ARSG: variants seen among roughly 807,000 people sequenced by gnomAD.
ARSG encodes ASG.
In ARSG, 37 loss-of-function variants were observed where a neutral mutation model predicts 50.5. The ratio of observed to expected loss-of-function variants is 0.73; its 90% confidence interval spans 0.56 to 0.96. The LOEUF is 0.96. Among genes scored for constraint, ARSG ranks in the 50% least tolerant of loss-of-function variants. ARSG has a pLI of 0.00. For synonymous variants in ARSG, 225 were observed against 254.6 expected (o/e 0.88, Z 1.11); for missense variants, 629 against 675.3 (o/e 0.93, Z 0.76).
At chr17:68,409,630 T>C (rs1379546913) in intron 11 of ARSG, among the ~76,000 whole-genome samples, 2 of 150,704 alleles carry the variant, frequency 1.3e-5, no homozygotes, top group African/African-American at 4.9e-5. Context: ...CATATGAACT[T>C]TAAAGTAGTT....
intron 10 of ARSG, among the ~76,000 whole-genome samples, chr17:68,400,001 G>A (rs1158668401): frequency 6.6e-6 from 1 of 152,240 alleles, no homozygotes; most frequent in Non-Finnish European, 1.5e-5. Context: ...GGTTTGTGCA[G>A]GGATTGTCAC....
chr17:68,259,317 G>A (rs2075038002), exon 1 of ARSG: 1 of 152,212 alleles, frequency 6.6e-6, no homozygotes, highest in Non-Finnish European at 1.5e-5. Flanking sequence ...AGCGACCCAG[G>A]GTAACCTCCT....
downstream of ARSG, among the ~76,000 whole-genome samples, chr17:68,423,767 G>A (rs2082962144): frequency 6.6e-6 from 1 of 152,028 alleles, no homozygotes. The surrounding 1 kb of genome is among the most constrained non-coding windows in gnomAD (Gnocchi z 4.4). Flanking sequence ...ATCTGCACAA[G>A]GTACCTATTA....
chr17:68,369,371 C>A (rs2079709790), intron 7 of ARSG, among the ~76,000 whole-genome samples: 2 of 152,194 alleles, frequency 1.3e-5, no homozygotes, highest in African/African-American at 4.8e-5. Context: ...AAAACCCTGT[C>A]TCCACTAAAA....
chr17:68,276,545 C>T (rs1247610909), intron 1 of ARSG, among the ~76,000 whole-genome samples: 6 of 152,034 alleles, frequency 3.9e-5, no homozygotes, highest in Admixed American at 3.3e-4. Flanking sequence ...ACCTCCCAGG[C>T]TCAAGCAATT....
chr17:68,346,958 G>T (rs771473880), intron 3 of ARSG, 167 bp from the exon 4 acceptor site: 1 of 1,522,212 alleles, frequency 6.6e-7, no homozygotes, highest in East Asian at 2.5e-5. Context: ...ACACCGTCTC[G>T]GCCCCAGAGA....
intron 1 of ARSG, among the ~76,000 whole-genome samples, chr17:68,282,253 A>C (rs572811624): frequency 6.6e-6 from 1 of 151,872 alleles, no homozygotes; most frequent in Admixed American, 6.6e-5. Context: ...TCGCAAGGAC[A>C]AAAAAAACAA....
intron 9 of ARSG, 81 bp downstream of exon 9, chr17:68,385,253 T>C: frequency 7.8e-7 from 1 of 1,285,684 alleles, no homozygotes; most frequent in Non-Finnish European, 1.1e-6. Context: ...GATGGAGGCA[T>C]GGGTGGCTAG....
At chr17:68,363,934 G>C (rs533852295) in intron 6 of ARSG, among the ~76,000 whole-genome samples, 2 of 152,268 alleles carry the variant, frequency 1.3e-5, no homozygotes, top group South Asian at 4.1e-4. Flanking sequence ...CATCCCCAGG[G>C]AGCCACCACC....
chr17:68,391,534 G>T (rs1600059184), intron 9 of ARSG, among the ~76,000 whole-genome samples: 2 of 152,298 alleles, frequency 1.3e-5, no homozygotes, highest in Admixed American at 1.3e-4. Context: ...GGGGAAATCA[G>T]ATGGAAAAAG....
chr17:68,325,259 G>C (rs1479693291), intron 2 of ARSG, among the ~76,000 whole-genome samples: 2 of 151,980 alleles, frequency 1.3e-5, no homozygotes, highest in East Asian at 3.8e-4. Context: ...GCCCATGTGA[G>C]GGATCTAGGT....
In ARSG at chr17:68,388,938, A is replaced by G. The variant is rs889488188; in HGVS notation, c.1091+3766A>G. Among the ~76,000 whole-genome samples the G allele has an allele frequency of 1.7e-3, 262 of 150,420 alleles. 4 individuals are homozygous for G. The highest frequency in any genetic ancestry group is 4.4e-3 in the South Asian group (21 of 4,740). On this transcript the variant is annotated intron_variant, in intron 9 of 11. Transcript: ENST00000621439. ...ACTCTGTCTCAAAAAAAAAAAAAAA[A>G]AAAAAAAGAAAAACAGCTAAAGCTG...
intron 7 of ARSG, among the ~76,000 whole-genome samples, chr17:68,369,203 G>T (rs940900422): frequency 6.6e-6 from 1 of 152,178 alleles, no homozygotes; most frequent in African/African-American, 2.4e-5. Flanking sequence ...CACATGCATT[G>T]TGTATTTTAG....
chr17:68,368,527 C>T (rs373846468), intron 6 of ARSG, 21 bp from the exon 7 acceptor site: 14 of 1,611,090 alleles, frequency 8.7e-6, no homozygotes, highest in African/African-American at 5.3e-5. Context: ...GCAGAGTCAC[C>T]TCTTGGTTCT....
chr17:68,280,814 C>T (rs1330950927), intron 1 of ARSG, among the ~76,000 whole-genome samples: 10 of 152,202 alleles, frequency 6.6e-5, no homozygotes, highest in South Asian at 4.2e-4. Context: ...ACAGATTCTG[C>T]GCAGCAAAGG....
At chr17:68,435,679 T>C in the ARSG span, 1 of 1,614,192 alleles carries the variant, frequency 6.2e-7, no homozygotes, top group South Asian at 1.1e-5. Flanking sequence ...GCAGCTAGTG[T>C]TCCCTCATGG....
At chr17:68,332,327 C>T (rs2077812396) in intron 2 of ARSG, among the ~76,000 whole-genome samples, 1 of 152,190 alleles carries the variant, frequency 6.6e-6, no homozygotes, top group Non-Finnish European at 1.5e-5. Context: ...AGGTTATCTC[C>T]TTTGTTCCCT....
intron 8 of ARSG, among the ~76,000 whole-genome samples, chr17:68,383,294 T>G (rs1370936186): frequency 2.0e-5 from 3 of 152,170 alleles, no homozygotes; most frequent in Non-Finnish European, 4.4e-5. Context: ...GCAAATTTAT[T>G]AACTAAAGGT....
upstream of ARSG, among the ~76,000 whole-genome samples, chr17:68,289,062 T>C (rs1290829145): frequency 1.3e-5 from 2 of 152,122 alleles, no homozygotes; most frequent in African/African-American, 4.8e-5. Context: ...TAAATGAGTA[T>C]TGGCCGGGTG....
Sources: allele counts gnomAD v4.1 joint callset (sites outside exome capture counted in the v4.1 genomes callset), GRCh38; gene constraint gnomAD v4.1.1; non-coding constraint Gnocchi (gnomAD v3.1); transcripts MANE v1.5; gene names NCBI Gene and HGNC (gene_info 2026-07-23, HGNC 2026-07-21).